The following SLIT3 variants were observed in gnomAD, a reference collection of about 807,000 sequenced individuals.
SLIT3 encodes the protein slit guidance ligand 3, also known as slit homolog 3 protein.
Under a neutral mutation model 184.0 loss-of-function variants are expected in SLIT3, and 68 were observed. The ratio of observed to expected loss-of-function variants is 0.37; its 90% CI spans 0.30 to 0.45. The LOEUF is 0.45. Among genes scored for constraint, SLIT3 ranks in the 20% least tolerant of loss-of-function variants. The pLI, the probability that SLIT3 is intolerant of heterozygous loss-of-function variation, is 1.00. For synonymous variants in SLIT3, 831 were observed against 828.6 expected, an observed-to-expected ratio of 1.00 and a Z score of -0.05; for missense variants, 1,707 against 2,026.0, an observed-to-expected ratio of 0.84 and a Z score of 3.02.
At chr5:169,059,232 T>G (rs1758102786) in intron 4 of SLIT3, among the ~76,000 whole-genome samples, 3 of 151,954 alleles carry the variant, frequency 2.0e-5, no homozygotes, top group Admixed American at 2.0e-4. Context: ...CCACAGAGAT[T>G]CTATGGAAGA....
rs577633811 is a variant in SLIT3, at chr5:168,921,525, A to G, written c.414-38189T>C. Among the ~76,000 whole-genome samples, 33 of 152,348 alleles carry G rather than the reference A, an allele frequency of 2.2e-4. No homozygotes were observed. The Middle Eastern group carries it at 0.017, about 79-fold the overall frequency. Reference sequence around the variant, plus strand: ...TTGCTGATATAGAGGAAGGAAGGGGAAAAATGAGCGCATTAGTTCTCTTTT... The same window carrying G: ...TTGCTGATATAGAGGAAGGAAGGGGGAAAATGAGCGCATTAGTTCTCTTTT... On this transcript the variant is annotated intron_variant, in intron 4 of 35. Coordinates refer to ENST00000519560, the MANE Select transcript of SLIT3 (RefSeq NM_003062.4).
chr5:169,099,243 T>C (rs1370003940), intron 4 of SLIT3, among the ~76,000 whole-genome samples: 1 of 152,066 alleles, frequency 6.6e-6, no homozygotes, highest in Non-Finnish European at 1.5e-5. Context: ...TGGCATGAAA[T>C]AGGCGATTTG....
chr5:169,225,781 G>T (rs918374), intron 3 of SLIT3, among the ~76,000 whole-genome samples: 2 of 151,522 alleles, frequency 1.3e-5, no homozygotes, highest in African/African-American at 2.4e-5. Context: ...GAGGGAGGCA[G>T]GGGCCAGGGG....
At chr5:169,121,980 C>A (rs1320189366) in intron 4 of SLIT3, among the ~76,000 whole-genome samples, 1 of 152,246 alleles carries the variant, frequency 6.6e-6, no homozygotes, top group Non-Finnish European at 1.5e-5. Context: ...CCCTGGGACA[C>A]TCACTCGGTT....
At chr5:168,859,687 C>G (rs1350865717) in intron 5 of SLIT3, among the ~76,000 whole-genome samples, 8 of 152,180 alleles carry the variant, frequency 5.3e-5, no homozygotes, top group African/African-American at 1.9e-4. Context: ...ACTAAAAATG[C>G]TGTCTCTGTA....
chr5:169,031,443 G>T (rs960900847), intron 4 of SLIT3, among the ~76,000 whole-genome samples: 1 of 151,524 alleles, frequency 6.6e-6, no homozygotes, highest in African/African-American at 2.4e-5. Context: ...CGTAATAAAA[G>T]CTATGCAGGA....
At position 169,236,656 on chromosome 5, in the gene SLIT3, G is replaced by A. The variant is rs557750789; in HGVS notation, c.341+8049C>T. ...TGGATAATTTGTTGTATTTTTAGTA[G>A]AGACGGGTTTTCGCCATGTTAGCCA... On this transcript the variant is annotated intron_variant, in intron 3 of 35. Coordinates refer to ENST00000519560, the MANE Select transcript of SLIT3 (RefSeq NM_003062.4). 5.9e-5 allele frequency among the ~76,000 whole-genome samples: 9 copies of A among 152,086 alleles called. No individual in the cohort carries two copies. The East Asian group carries it at 1.7e-3, about 29-fold the overall frequency.
At chr5:168,858,031 A>G (rs754045490) in intron 5 of SLIT3, among the ~76,000 whole-genome samples, 1 of 152,224 alleles carries the variant, frequency 6.6e-6, no homozygotes. Flanking sequence ...TGTCTTAGAA[A>G]CAGCATATTT....
chr5:169,297,383 C>A (rs1304203805), intron 1 of SLIT3, among the ~76,000 whole-genome samples: 1 of 152,236 alleles, frequency 6.6e-6, no homozygotes, highest in South Asian at 2.1e-4. Flanking sequence ...AAGCAAAGTC[C>A]AAATGGTGAG....
At chr5:168,786,099 C>T (rs575546613) in intron 11 of SLIT3, 121 bp from the exon 12 acceptor site, 40 of 681,472 alleles carry the variant, frequency 5.9e-5, no homozygotes, top group South Asian at 1.9e-4. Flanking sequence ...ACCCCTTCCA[C>T]GGCCTGCCTA....
intron 17 of SLIT3, among the ~76,000 whole-genome samples, chr5:168,753,416 C>T (rs1404855331): frequency 1.3e-5 from 2 of 152,154 alleles, no homozygotes; most frequent in South Asian, 2.1e-4. Flanking sequence ...AGAATCAAGA[C>T]GTGGTTGTAG....
intron 11 of SLIT3, among the ~76,000 whole-genome samples, chr5:168,788,887 CT>C: frequency 6.6e-6 from 1 of 152,230 alleles, no homozygotes; most frequent in African/African-American, 2.4e-5. Flanking sequence ...AATGGGATCA[CT>C]GTCCCCATCC....
intron 4 of SLIT3, among the ~76,000 whole-genome samples, chr5:168,970,546 C>T (rs1044904530): frequency 4.6e-5 from 7 of 151,912 alleles, no homozygotes; most frequent in Admixed American, 2.6e-4. Context: ...AACAGCTCCT[C>T]TGAACTAAAA....
intron 4 of SLIT3, among the ~76,000 whole-genome samples, chr5:169,108,116 A>G (rs1760285357): frequency 6.6e-6 from 1 of 152,228 alleles, no homozygotes; most frequent in Non-Finnish European, 1.5e-5. Context: ...GGCATCTGAT[A>G]CAGGTTTAAT....
In SLIT3 at chr5:169,008,973, G is replaced by A. The variant is rs1397208312; in HGVS notation, c.414-125637C>T. 2.6e-5 allele frequency among the ~76,000 whole-genome samples: 4 copies of A among 152,170 alleles called. No homozygotes were observed. The East Asian group carries it at 7.7e-4, about 29-fold the overall frequency. ...GCATTGAACTGATGAAGAAACTGGA[G>A]TTCAGAGATTAAGTAATTTGTGTGA... On this transcript the variant is annotated intron_variant, in intron 4 of 35. Transcript: ENST00000519560.
At chr5:168,848,295 C>T (rs1758553810) in intron 5 of SLIT3, among the ~76,000 whole-genome samples, 1 of 152,218 alleles carries the variant, frequency 6.6e-6, no homozygotes, top group South Asian at 2.1e-4. Flanking sequence ...CTGAGCCCTC[C>T]TGCTGTGACT....
At chr5:168,901,225 G>A (rs1275978362) in intron 4 of SLIT3, among the ~76,000 whole-genome samples, 5 of 152,146 alleles carry the variant, frequency 3.3e-5, no homozygotes, top group South Asian at 2.1e-4. Context: ...TTAGCCAGGC[G>A]TGGCGGCGGG....
chr5:169,284,380 A>G (rs773880416), intron 1 of SLIT3, among the ~76,000 whole-genome samples: 3 of 152,366 alleles, frequency 2.0e-5, no homozygotes, highest in Non-Finnish European at 2.9e-5. Context: ...TCTAGGCATC[A>G]GCAGACACTA....
intron 21 of SLIT3, among the ~76,000 whole-genome samples, chr5:168,723,754 C>T (rs1306893466): frequency 1.3e-5 from 2 of 152,222 alleles, no homozygotes; most frequent in African/African-American, 4.8e-5. Context: ...GTTAGCTGCA[C>T]ATTAGAATCA....
Sources: gnomAD v4.1 joint callset for allele counts (sites outside exome capture counted in the v4.1 genomes callset) on GRCh38, gnomAD v4.1.1 for gene constraint, MANE v1.5 for transcripts, NCBI Gene and HGNC (gene_info 2026-07-23, HGNC 2026-07-21) for gene names.